The following NMNAT3 variants were observed in gnomAD, a reference collection of about 807,000 sequenced individuals.
The protein encoded by NMNAT3 is nicotinamide/nicotinic acid mononucleotide adenylyltransferase 3.
A neutral mutation model predicts 24.8 loss-of-function variants in NMNAT3; 21 were observed. The observed-to-expected ratio is 0.85, with a 90% CI of 0.60 to 1.22. NMNAT3 has a LOEUF of 1.22. Among genes scored for constraint, NMNAT3 ranks in the 50% most tolerant of loss-of-function variants. The pLI is 0.00. For missense variants in NMNAT3, 387 were observed against 436.6 expected, an observed-to-expected ratio of 0.89 and a Z score of 1.01; for synonymous variants, 136 against 155.2, an observed-to-expected ratio of 0.88 and a Z score of 0.92.
rs138908232 is a variant in NMNAT3 at position 139,633,212 on chromosome 3, C to T, written c.-41+4751G>A. Among the ~76,000 whole-genome samples, 978 of 148,042 alleles carry T rather than the reference C, an allele frequency of 6.6e-3. 8 individuals are homozygous for T. The highest frequency in any genetic ancestry group is 0.024 in the African/African-American group (947 of 40,194). On this transcript the variant is annotated intron_variant, in intron 2 of 6. Coordinates refer to ENST00000643695, the MANE Select transcript of NMNAT3 (RefSeq NM_001320510.2). The stretch of plus-strand genomic sequence containing the variant: ...TTTTTTTTTTTGAGATAGCGTTTTG[C>T]TCTTGTTGCCCAGGCTGGAGTGCAA...
chr3:139,637,836 T>C (rs181172044), intron 2 of NMNAT3, 127 bp downstream of exon 2: 3 of 152,354 alleles, frequency 2.0e-5, no homozygotes, highest in East Asian at 3.9e-4. Flanking sequence ...GTTGTCTATA[T>C]ATAAATATTT....
chr3:139,596,209 GT>G (rs1235465455), intron 3 of NMNAT3, among the ~76,000 whole-genome samples: 7 of 152,108 alleles, frequency 4.6e-5, no homozygotes, highest in Admixed American at 4.6e-4. Context: ...GCCTGGGGAG[GT>G]TCTGTTTAAT....
At position 139,560,679 on chromosome 3, in the gene NMNAT3, A is replaced by G; in HGVS notation, c.*331T>C. On this transcript the variant is annotated 3_prime_UTR_variant, in exon 7 of 7. Coordinates refer to ENST00000643695, the MANE Select transcript of NMNAT3 (RefSeq NM_001320510.2). The stretch of plus-strand genomic sequence containing the variant: ...CTCAGGGGCCGCTGCCATGCTCAGA[A>G]CTGCATTCAGCGTGCATGCCATAAT... 1 of 273,354 alleles carries G rather than the reference A, an allele frequency of 3.7e-6. No individual in the cohort carries two copies. The highest frequency in any genetic ancestry group is 7.9e-5 in the East Asian group (1 of 12,672). The allele number at this position is 273,354 out of a possible 1,614,324, so 16.9% of individuals were successfully genotyped here.
At chr3:139,564,705 A>C (rs1272193810) in intron 6 of NMNAT3, among the ~76,000 whole-genome samples, 1 of 152,242 alleles carries the variant, frequency 6.6e-6, no homozygotes, top group Non-Finnish European at 1.5e-5. Flanking sequence ...ACAGCACACC[A>C]ATAAAATACG....
chr3:139,630,280 A>G (rs182562895), intron 2 of NMNAT3, among the ~76,000 whole-genome samples: 2 of 152,334 alleles, frequency 1.3e-5, no homozygotes, highest in Non-Finnish European at 2.9e-5. Context: ...AAAGGCATCT[A>G]TTTAGCTTGA....
intron 3 of NMNAT3, among the ~76,000 whole-genome samples, chr3:139,608,283 C>G (rs1162142530): frequency 2.0e-5 from 3 of 152,180 alleles, no homozygotes; most frequent in Admixed American, 6.5e-5. Flanking sequence ...GCCCTAGTTG[C>G]CAAGGATGAG....
At chr3:139,577,245 T>G (rs1403384582) in intron 5 of NMNAT3, among the ~76,000 whole-genome samples, 1 of 152,240 alleles carries the variant, frequency 6.6e-6, no homozygotes, top group East Asian at 1.9e-4. Context: ...TATTTATCCA[T>G]GAATGGCTTA....
At chr3:139,593,763 T>A (rs11710216) in intron 3 of NMNAT3, among the ~76,000 whole-genome samples, 1 of 146,250 alleles carries the variant, frequency 6.8e-6, no homozygotes, top group East Asian at 2.0e-4. Context: ...TTGAAACCAA[T>A]GAGAACAAAG....
intron 5 of NMNAT3, chr3:139,575,949 GT>G (rs1010674872): frequency 7.8e-7 from 1 of 1,288,892 alleles, no homozygotes; most frequent in African/African-American, 1.5e-5. Flanking sequence ...TCCTATTTGT[GT>G]GTGACCGTGA....
chr3:139,592,773 A>G (rs2054257870), intron 3 of NMNAT3, among the ~76,000 whole-genome samples: 1 of 152,196 alleles, frequency 6.6e-6, no homozygotes, highest in Non-Finnish European at 1.5e-5. Flanking sequence ...AAATGCTGAG[A>G]GATTTTGTCA....
At chr3:139,606,425 G>A (rs1457255062) in intron 3 of NMNAT3, among the ~76,000 whole-genome samples, 1 of 152,000 alleles carries the variant, frequency 6.6e-6, no homozygotes, top group Non-Finnish European at 1.5e-5. Context: ...TACATCAGAG[G>A]GTACATGATG....
intron 3 of NMNAT3, among the ~76,000 whole-genome samples, chr3:139,615,430 T>TCTAC (rs1284109444): frequency 6.7e-6 from 1 of 149,038 alleles, no homozygotes; most frequent in Non-Finnish European, 1.5e-5. Flanking sequence ...TATCTATCTA[T>TCTAC]CTATCTATCT....
chr3:139,583,817 C>T (rs953226938), intron 3 of NMNAT3, among the ~76,000 whole-genome samples: 5 of 152,274 alleles, frequency 3.3e-5, no homozygotes, highest in African/African-American at 7.2e-5. Flanking sequence ...AACAGCTCCA[C>T]GCGTCTCCAG....
chr3:139,564,912 C>T (rs929434669), intron 6 of NMNAT3, among the ~76,000 whole-genome samples: 1 of 152,106 alleles, frequency 6.6e-6, no homozygotes, highest in Non-Finnish European at 1.5e-5. Flanking sequence ...GAAATAACAA[C>T]AACAATATTA....
chr3:139,648,920 T>C (rs2056963320), intron 1 of NMNAT3, among the ~76,000 whole-genome samples: 2 of 127,672 alleles, frequency 1.6e-5, no homozygotes, highest in Non-Finnish European at 3.1e-5. Context: ...ATCTGTGTTA[T>C]AATATACAGA....
At chr3:139,647,621 A>G (rs1395707282) in intron 1 of NMNAT3, among the ~76,000 whole-genome samples, 1 of 152,152 alleles carries the variant, frequency 6.6e-6, no homozygotes, top group African/African-American at 2.4e-5. Flanking sequence ...TTGAAGATGG[A>G]AGAGGGAAAT....
rs563829484 is a variant in NMNAT3 at position 139,651,093 on chromosome 3, T to C, written c.-140-13031A>G. ...GAACATTTCTATTGTAAAAGGAAAA[T>C]GTGTTGGAAAATAAGAAGAGCATGG... is the stretch of plus-strand genomic sequence containing the variant. On this transcript the variant is annotated intron_variant, in intron 1 of 6. Transcript: ENST00000643695. Among the ~76,000 whole-genome samples the C allele has an allele frequency of 9.9e-5, 15 of 152,274 alleles. No individual in the cohort carries two copies. In the East Asian group the frequency reaches 2.9e-3, roughly 29 times the overall value.
rs896562046 is a variant in NMNAT3, at chr3:139,648,821, G to A, written c.-140-10759C>T. Among the ~76,000 whole-genome samples, 6 of 152,260 alleles carry A rather than the reference G, an allele frequency of 3.9e-5. No individual in the cohort carries two copies. The East Asian group carries it at 5.8e-4, about 15-fold the overall frequency. On this transcript the variant is annotated intron_variant, in intron 1 of 6. Transcript: ENST00000643695. ...AGAGTGACGTACTTCTACATATACCGATGTGGGAGATTATTGAGTAAATAC... is the reference window on the plus strand; with the variant it reads ...AGAGTGACGTACTTCTACATATACCAATGTGGGAGATTATTGAGTAAATAC...
chr3:139,591,893 ACT>A (rs2054206166), intron 3 of NMNAT3, among the ~76,000 whole-genome samples: 1 of 152,214 alleles, frequency 6.6e-6, no homozygotes, highest in African/African-American at 2.4e-5. Flanking sequence ...AAAACTGGAA[ACT>A]CTAAAAATCA....
Sources: gnomAD v4.1 joint callset for allele counts (sites outside exome capture counted in the v4.1 genomes callset) on GRCh38, gnomAD v4.1.1 for gene constraint, MANE v1.5 for transcripts, NCBI Gene and HGNC (gene_info 2026-07-23, HGNC 2026-07-21) for gene names.